GNE: variants seen among roughly 807,000 people sequenced by gnomAD.
GNE encodes bifunctional UDP-N-acetylglucosamine 2-epimerase/N-acetylmannosamine kinase.
Under a neutral mutation model 61.8 loss-of-function variants are expected in GNE, and 41 were observed. The ratio of observed to expected loss-of-function variants is 0.66; its 90% confidence interval spans 0.52 to 0.86. GNE has a LOEUF of 0.86. GNE is among the 40% of genes least tolerant of loss of function. The pLI is 0.00. For synonymous variants in GNE, 264 were observed against 326.4 expected, an observed-to-expected ratio of 0.81 and a Z score of 2.06; for missense variants, 608 against 909.1, an observed-to-expected ratio of 0.67 and a Z score of 4.26.
chr9:36,265,091 T>C (rs564755442), intron 1 of GNE: 15 of 310,580 alleles, frequency 4.8e-5, no homozygotes, highest in African/African-American at 2.8e-4. Context: ...TCTGCTGTGC[T>C]CCTGATCCAG....
intron 3 of GNE, among the ~76,000 whole-genome samples, chr9:36,237,351 A>C (rs1188522386): frequency 6.6e-6 from 1 of 152,238 alleles, no homozygotes; most frequent in East Asian, 1.9e-4. Flanking sequence ...ATGAATAATA[A>C]TATGTTGCAT....
upstream of GNE, among the ~76,000 whole-genome samples, chr9:36,260,592 A>G (rs769822075): frequency 1.6e-4 from 24 of 152,084 alleles, no homozygotes; most frequent in Non-Finnish European, 3.1e-4. Context: ...CAAATTGGCC[A>G]GGCGCGGTGG....
chr9:36,276,697 GGCACAGTAACTGAGAA>G (rs1253548290), intron 1 of GNE, among the ~76,000 whole-genome samples: 2 of 152,142 alleles, frequency 1.3e-5, no homozygotes, highest in African/African-American at 4.8e-5. Flanking sequence ...CCTGAATTTT[GGCACAGTAACTGAGAA>G]GCAAGTAGCA....
At position 36,249,324 on chromosome 9, in the gene GNE, C is replaced by T. The variant is rs1401082365; in HGVS notation, c.32G>A (p.Arg11Gln). 8 of 1,613,810 alleles carry T rather than the reference C, an allele frequency of 5.0e-6. No homozygotes were observed. Among genetic ancestry groups the T allele is most frequent in the East Asian group, 2.2e-5 (1 of 44,900 alleles). ...ACGGTTACAAGTAGCAACACAAACC[C>T]GCAGCTTTCGGTTATTTCCATTCTT... MEKNGNNRKLRVCVATCNRAD... is the reference protein window; with the variant it reads MEKNGNNRKLQVCVATCNRAD... Residue 11 changes from arginine (R) to glutamine (Q), a missense_variant, in exon 2 of 12, where the codon CGG (arginine) becomes CAG (glutamine). Arg to Gln is a conservative substitution (Grantham distance 43). Transcript: ENST00000642385.
upstream of GNE, among the ~76,000 whole-genome samples, chr9:36,261,870 C>T (rs1318970943): frequency 1.3e-5 from 2 of 148,754 alleles, no homozygotes; most frequent in East Asian, 2.0e-4. Flanking sequence ...TTGCAGTGAG[C>T]GGAGATCGCG....
intron 5 of GNE, among the ~76,000 whole-genome samples, chr9:36,231,630 A>C (rs1410866968): frequency 6.6e-6 from 1 of 152,194 alleles, no homozygotes; most frequent in Non-Finnish European, 1.5e-5. Context: ...AGAGACTTGC[A>C]AGCAATAGCT....
At chr9:36,247,285 G>A (rs1426848320) in intron 2 of GNE, among the ~76,000 whole-genome samples, 1 of 151,860 alleles carries the variant, frequency 6.6e-6, no homozygotes, top group Non-Finnish European at 1.5e-5. Flanking sequence ...TCAATCTCTT[G>A]ACCTCGTGAT....
At chr9:36,256,004 A>G (rs1391324975) in intron 1 of GNE, among the ~76,000 whole-genome samples, 2 of 152,068 alleles carry the variant, frequency 1.3e-5, no homozygotes, top group Non-Finnish European at 2.9e-5. Flanking sequence ...AGCTCACTGC[A>G]ACCTCCACCT....
intron 1 of GNE, among the ~76,000 whole-genome samples, chr9:36,270,115 C>T (rs1370955419): frequency 1.3e-5 from 2 of 152,026 alleles, no homozygotes; most frequent in Non-Finnish European, 2.9e-5. Context: ...GCACATGCCA[C>T]CATGCCTAGC....
chr9:36,217,463 C>T lies in GNE; in HGVS notation c.2071G>A (p.Val691Met), dbSNP rs763775540. The stretch of plus-strand genomic sequence containing the variant: ...GAAACCACCACATCCACGTCCTGCA[C>T]GGAGGACAAGGCCTGCTGGCGAATG... ...DVIRQQALSS[V>M]QDVDVVVSDL... is the part of the protein sequence containing the mutation. The change falls in exon 12 of 12, where the codon GTG becomes ATG. Residue 691 changes from valine (V) to methionine (M), a missense_variant. Physicochemically the swap from Val to Met is conservative, Grantham distance 21 (BLOSUM62 1). Transcript: ENST00000642385. 9.3e-6 allele frequency: 15 copies of T among 1,613,942 alleles called. No individual in the cohort carries two copies. Among genetic ancestry groups the T allele is most frequent in the South Asian group, 5.5e-5 (5 of 91,080 alleles).
At chr9:36,235,735 C>A (rs1038519813) in intron 4 of GNE, among the ~76,000 whole-genome samples, 3 of 152,082 alleles carry the variant, frequency 2.0e-5, no homozygotes, top group Non-Finnish European at 4.4e-5. Flanking sequence ...ACTTTGTTCT[C>A]CCTAACAGAA....
intron 1 of GNE, among the ~76,000 whole-genome samples, chr9:36,257,595 A>G (rs1159588941): frequency 6.6e-6 from 1 of 151,606 alleles, no homozygotes; most frequent in South Asian, 2.1e-4. Flanking sequence ...CGAGGTCAGG[A>G]GATCGAGACC....
Position 36,214,780 on chromosome 9 carries a change from GA to G in GNE, c.*2584del, listed in dbSNP as rs1456208661. The G allele has an allele frequency of 1.3e-5, 2 of 152,148 alleles. No individual in the cohort carries two copies. Among genetic ancestry groups the G allele is most frequent in the African/African-American group, 4.8e-5 (2 of 41,432 alleles). The allele number at this position is 152,148 out of a possible 1,614,324, so 9.4% of individuals were successfully genotyped here. ...CTGAGCAGCCAAGCTTCCTTCCCAG[GA>G]ATCACCATGGAATGTCTGAACAATA... On this transcript the variant is annotated 3_prime_UTR_variant, in exon 12 of 12. Coordinates refer to ENST00000642385, the MANE Select transcript of GNE (RefSeq NM_005476.7).
chr9:36,232,748 T>C (rs1232905105), intron 5 of GNE, among the ~76,000 whole-genome samples: 1 of 152,220 alleles, frequency 6.6e-6, no homozygotes, highest in Non-Finnish European at 1.5e-5. Flanking sequence ...TCCTGATATT[T>C]TTCTTATTTC....
chr9:36,249,752 C>T lies in GNE; in HGVS notation c.-42-355G>A, dbSNP rs886476290. Among the ~76,000 whole-genome samples the T allele has an allele frequency of 3.9e-5, 6 of 151,932 alleles. No individual in the cohort carries two copies. In the East Asian group the frequency reaches 5.8e-4, roughly 15 times the overall value. The stretch of plus-strand genomic sequence containing the variant: ...AAAAAAAATTAGCTGGGCGTGGTGG[C>T]GGGTACCTGTAGTCCCAGCTACTCG... On this transcript the variant is annotated intron_variant, in intron 1 of 11. Transcript: ENST00000642385.
intron 1 of GNE, among the ~76,000 whole-genome samples, chr9:36,269,616 A>T (rs2133194589): frequency 6.6e-6 from 1 of 151,434 alleles, no homozygotes; most frequent in South Asian, 2.1e-4. Context: ...CTTTCAAATA[A>T]TTCAAAATGT....
At position 36,216,327 on chromosome 9, in the gene GNE, A is replaced by ATGTGTGTGGGTGTGTGTG; in HGVS notation, c.*1037_*1038insCACACACACCCACACACA. 2.8e-6 allele frequency: 1 copy of ATGTGTGTGGGTGTGTGTG among 355,724 alleles called. No individual in the cohort carries two copies. The highest frequency in any genetic ancestry group is 5.8e-6 in the Non-Finnish European group (1 of 171,796). 22.0% of individuals were successfully genotyped at this position (355,724 alleles called of 1,614,324 possible). A position where few individuals can be genotyped will look rare whatever the true frequency, so the allele number is the denominator to read the frequency against. The stretch of plus-strand genomic sequence containing the variant: ...TTAGTTTGGGGTTAGAGGAGGAAGG[A>ATGTGTGTGGGTGTGTGTG]TGTGTGTGTGTGTGTGTGTGTGTGT... On this transcript the variant is annotated 3_prime_UTR_variant, in exon 12 of 12. Transcript: ENST00000642385.
In GNE at chr9:36,214,815, C is replaced by T. The variant is rs191345940; in HGVS notation, c.*2550G>A. The T allele has an allele frequency of 2.6e-5, 4 of 152,298 alleles. No homozygotes were observed. The East Asian group carries it at 7.7e-4, about 29-fold the overall frequency. 9.4% of individuals were successfully genotyped at this position (152,298 alleles called of 1,614,324 possible). ...GGAATGTCTGAACAATAACCAGGCC[C>T]TGGAGATTACTGCAGGGCTGGCAGA... On this transcript the variant is annotated 3_prime_UTR_variant, in exon 12 of 12. Coordinates refer to ENST00000642385, the MANE Select transcript of GNE (RefSeq NM_005476.7).
At chr9:36,272,734 G>C (rs979057709) in intron 1 of GNE, among the ~76,000 whole-genome samples, 1 of 151,260 alleles carries the variant, frequency 6.6e-6, no homozygotes, top group African/African-American at 2.4e-5. Flanking sequence ...CAACTAAAGT[G>C]GTAATAATGG....
Sources: allele counts gnomAD v4.1 joint callset (sites outside exome capture counted in the v4.1 genomes callset), GRCh38; gene constraint gnomAD v4.1.1; transcripts MANE v1.5; gene names NCBI Gene and HGNC (gene_info 2026-07-23, HGNC 2026-07-21).